Variants in ABI3BP observed in about 807,000 individuals in gnomAD.
ABI3BP encodes the protein target of Nesh-SH3.
Under a neutral mutation model 268.6 loss-of-function variants are expected in ABI3BP, and 216 were observed. That is an observed-to-expected ratio of 0.80 (90% CI 0.72 to 0.90). The LOEUF is 0.90. ABI3BP is among the 40% of genes least tolerant of loss of function. The pLI is 0.00. For missense variants in ABI3BP, 2,090 were observed against 2,182.4 expected (o/e 0.96, Z 0.84); for synonymous variants, 730 against 730.0 (o/e 1.00, Z 0.00).
At chr3:100,753,039 AC>A in intron 65 of ABI3BP, 91 bp from the exon 66 acceptor site, 2 of 1,255,146 alleles carry the variant, frequency 1.6e-6, no homozygotes, top group South Asian at 3.0e-5. Context: ...ACTTGCTGAT[AC>A]CTTTTTTTCC....
intron 1 of ABI3BP, among the ~76,000 whole-genome samples, chr3:100,927,854 C>A (rs554275489): frequency 5.3e-5 from 8 of 152,140 alleles, no homozygotes; most frequent in African/African-American, 1.9e-4. Flanking sequence ...TAAACCTGGC[C>A]CATAGTAATT....
intron 51 of ABI3BP, among the ~76,000 whole-genome samples, chr3:100,799,511 T>C (rs2097457277): frequency 6.6e-6 from 1 of 152,182 alleles, no homozygotes; most frequent in Admixed American, 6.5e-5. Flanking sequence ...TTCTGAAGCA[T>C]GCAGCCCAAA....
intron 33 of ABI3BP, 137 bp downstream of exon 33, chr3:100,829,444 C>T (rs187270979): frequency 2.8e-4 from 186 of 666,828 alleles, no homozygotes; most frequent in African/African-American, 1.8e-3. Context: ...TTGGCTACCA[C>T]GTCATCTCCC....
At chr3:100,814,626 A>G (rs1176351828) in intron 44 of ABI3BP, among the ~76,000 whole-genome samples, 4 of 152,136 alleles carry the variant, frequency 2.6e-5, no homozygotes, top group East Asian at 3.8e-4. Context: ...GGGTTTCTTC[A>G]TGATTACTTT....
Position 100,780,182 on chromosome 3 carries a change from C to T in ABI3BP, c.4190G>A (p.Gly1397Asp), listed in dbSNP as rs952077101. The change falls in exon 58 of 68, where the codon GGT (glycine) becomes GAT (aspartate). Residue 1397 changes from glycine to aspartate, a missense_variant. Gly to Asp is a moderately conservative substitution (Grantham distance 94). Transcript: ENST00000471714. ...GTCCACTGATACATTTCTATCAGCA[C>T]CTGATGGCCTGGGTGCTTGCTTGAC... The part of the protein sequence containing the change: ...TGVKQAPRPS[G>D]ADRNVSVDST... 3 of 1,612,854 alleles carry T rather than the reference C, an allele frequency of 1.9e-6. No homozygotes were observed. Among genetic ancestry groups the T allele is most frequent in the Non-Finnish European group, 2.5e-6 (3 of 1,179,178 alleles).
chr3:100,832,994 T>C, intron 30 of ABI3BP, 131 bp downstream of exon 30: 1 of 764,676 alleles, frequency 1.3e-6, no homozygotes, highest in South Asian at 2.4e-5. Context: ...AAAAGCAAGC[T>C]TTCCATATTT....
At chr3:100,864,350 G>T in intron 11 of ABI3BP, 1 of 452,586 alleles carries the variant, frequency 2.2e-6, no homozygotes, top group Non-Finnish European at 3.9e-6. Flanking sequence ...GAACAACAAA[G>T]CAAGTTAGAT....
intron 51 of ABI3BP, among the ~76,000 whole-genome samples, chr3:100,804,009 A>G (rs1181669669): frequency 6.6e-6 from 1 of 152,160 alleles, no homozygotes; most frequent in Non-Finnish European, 1.5e-5. Context: ...TGATTTTAGG[A>G]GCAGTTAGGA....
At chr3:100,818,424 C>T (rs1361509977) in intron 41 of ABI3BP, 101 bp downstream of exon 41, 2 of 1,009,410 alleles carry the variant, frequency 2.0e-6, no homozygotes, top group South Asian at 2.8e-5. Flanking sequence ...GGAATGATGA[C>T]AAAGAATGAC....
At chr3:100,813,543 TAC>T (rs1371448148) in intron 45 of ABI3BP, 116 bp downstream of exon 45, 4 of 712,284 alleles carry the variant, frequency 5.6e-6, no homozygotes, top group Non-Finnish European at 6.8e-6. Context: ...GTGCAATATT[TAC>T]AGTTATTAAT....
At chr3:100,957,000 A>T (rs1212263473) in intron 1 of ABI3BP, among the ~76,000 whole-genome samples, 2 of 152,186 alleles carry the variant, frequency 1.3e-5, no homozygotes, top group African/African-American at 4.8e-5. Context: ...TTATTCTGTG[A>T]TGGTAAGTTA....
At chr3:100,850,012 T>C (rs1281239874) in intron 17 of ABI3BP, 33 bp downstream of exon 17, 4 of 1,574,474 alleles carry the variant, frequency 2.5e-6, no homozygotes, top group Admixed American at 1.7e-5. Flanking sequence ...GTTTCGTCAA[T>C]GCATACATAA....
At chr3:100,861,371 AC>A (rs2098996616) in intron 14 of ABI3BP, among the ~76,000 whole-genome samples, 1 of 152,198 alleles carries the variant, frequency 6.6e-6, no homozygotes, top group South Asian at 2.1e-4. Context: ...ACTCTGGAGA[AC>A]ACCACAAAAT....
intron 2 of ABI3BP, among the ~76,000 whole-genome samples, chr3:100,916,839 G>A (rs1401688624): frequency 6.6e-6 from 1 of 152,174 alleles, no homozygotes; most frequent in Non-Finnish European, 1.5e-5. Flanking sequence ...ATTACCTTGG[G>A]ATCAGATTGT....
At chr3:100,849,006 T>C in intron 17 of ABI3BP, 131 bp from the exon 18 acceptor site, 1 of 732,740 alleles carries the variant, frequency 1.4e-6, no homozygotes, top group Non-Finnish European at 2.3e-6. Flanking sequence ...ATGTCCAGTA[T>C]ACCTTGTTTT....
At chr3:100,942,191 T>C (rs2069626544) in intron 1 of ABI3BP, among the ~76,000 whole-genome samples, 1 of 150,786 alleles carries the variant, frequency 6.6e-6, no homozygotes, top group African/African-American at 2.5e-5. Flanking sequence ...GACATTCTAG[T>C]ACATTGGGTA....
chr3:100,808,342 C>CCTG, intron 49 of ABI3BP, 107 bp from the exon 50 acceptor site: 1 of 736,434 alleles, frequency 1.4e-6, no homozygotes, highest in South Asian at 2.4e-5. Flanking sequence ...GACCTAAATA[C>CCTG]TCAACAATGA....
rs143823057 is a variant in ABI3BP at position 100,911,015 on chromosome 3, A to T, written c.260-8329T>A. ...TCACTAGATCCCTTCATTTTCTCAA[A>T]CTCTTCATCTATTTCTGGGCTGCTC... On this transcript the variant is annotated intron_variant, in intron 2 of 67. Coordinates refer to ENST00000471714, the MANE Select transcript of ABI3BP (RefSeq NM_001375547.2). The T allele has an allele frequency of 3.8e-3, 651 of 170,222 alleles. 4 individuals are homozygous for T. Among genetic ancestry groups the T allele is most frequent in the African/African-American group, 0.014 (600 of 41,656 alleles). The allele number at this position is 170,222 out of a possible 1,614,324, so 10.5% of individuals were successfully genotyped here. A position where few individuals can be genotyped will look rare whatever the true frequency, so the allele number is the denominator to read the frequency against.
chr3:100,864,236 T>C, intron 11 of ABI3BP, 160 bp from the exon 12 acceptor site: 1 of 624,926 alleles, frequency 1.6e-6, no homozygotes. Flanking sequence ...TACATAGCTG[T>C]TAAAATATGA....
Sources: allele counts gnomAD v4.1 joint callset (sites outside exome capture counted in the v4.1 genomes callset), GRCh38; gene constraint gnomAD v4.1.1; transcripts MANE v1.5; gene names NCBI Gene and HGNC (gene_info 2026-07-23, HGNC 2026-07-21).